Variants in AAMDC observed in about 807,000 individuals in gnomAD.
AAMDC encodes the protein mth938 domain-containing protein.
In AAMDC, 16 loss-of-function variants were observed where a neutral mutation model predicts 15.5. The observed-to-expected ratio is 1.03, with a 90% confidence interval of 0.70 to 1.57. AAMDC has a LOEUF of 1.57. Ranked by LOEUF, AAMDC falls within the 40% of genes most tolerant of loss-of-function variation. AAMDC has a pLI of 0.00. For missense variants in AAMDC, 141 were observed against 144.9 expected (o/e 0.97, Z 0.14); for synonymous variants, 51 against 51.6 (o/e 0.99, Z 0.05).
At chr11:77,848,823 T>C (rs1399827913) in intron 2 of AAMDC, among the ~76,000 whole-genome samples, 1 of 152,152 alleles carries the variant, frequency 6.6e-6, no homozygotes, top group Non-Finnish European at 1.5e-5. Flanking sequence ...CACAACACTG[T>C]CTCCCAAGCT....
downstream of AAMDC, among the ~76,000 whole-genome samples, chr11:77,904,836 T>C (rs780821649): frequency 6.6e-6 from 1 of 152,188 alleles, no homozygotes; most frequent in Non-Finnish European, 1.5e-5. Flanking sequence ...GATAGTTGCA[T>C]CATGTTAGTT....
intron 1 of AAMDC, among the ~76,000 whole-genome samples, chr11:77,825,799 C>A (rs1240647349): frequency 6.6e-6 from 1 of 151,342 alleles, no homozygotes; most frequent in Non-Finnish European, 1.5e-5. Flanking sequence ...TCAAGTGATT[C>A]TCCTGCCTCA....
chr11:77,859,229 T>C (rs1361133092), intron 2 of AAMDC, among the ~76,000 whole-genome samples: 2 of 152,234 alleles, frequency 1.3e-5, no homozygotes, highest in African/African-American at 4.8e-5. Flanking sequence ...GATTACCCCA[T>C]ATTAGGGGTC....
At chr11:77,886,261 C>T (rs1161159084) in intron 5 of AAMDC, among the ~76,000 whole-genome samples, 4 of 152,106 alleles carry the variant, frequency 2.6e-5, no homozygotes, top group Admixed American at 6.6e-5. Context: ...TGGTGAAAGG[C>T]CTTCACTCCT....
intron 1 of AAMDC, among the ~76,000 whole-genome samples, chr11:77,822,597 A>C (rs1024909317): frequency 6.6e-6 from 1 of 152,120 alleles, no homozygotes; most frequent in African/African-American, 2.4e-5. Context: ...AAGGGGAAAA[A>C]CCATAAGGGT....
chr11:77,893,701 T>C, intron 5 of AAMDC, among the ~76,000 whole-genome samples: 1 of 152,092 alleles, frequency 6.6e-6, no homozygotes, highest in Non-Finnish European at 1.5e-5. Flanking sequence ...GAGACCAGCC[T>C]GGCCAACATG....
chr11:77,853,091 G>A (rs977681631), intron 2 of AAMDC, among the ~76,000 whole-genome samples: 1 of 152,174 alleles, frequency 6.6e-6, no homozygotes, highest in Non-Finnish European at 1.5e-5. Context: ...AAATGTAAAT[G>A]TAGATTTGTT....
chr11:77,839,937 T>C (rs933839496), intron 1 of AAMDC, among the ~76,000 whole-genome samples: 1 of 152,084 alleles, frequency 6.6e-6, no homozygotes, highest in Non-Finnish European at 1.5e-5. Context: ...ACCTATGTAA[T>C]GAACGTGCAT....
downstream of AAMDC, among the ~76,000 whole-genome samples, chr11:77,877,207 C>G (rs748257628): frequency 1.3e-5 from 2 of 152,210 alleles, no homozygotes; most frequent in Non-Finnish European, 2.9e-5. Flanking sequence ...TTATTTCTCT[C>G]AACTTCAGCT....
At chr11:77,847,045 G>A (rs1950177406) in intron 2 of AAMDC, among the ~76,000 whole-genome samples, 1 of 152,134 alleles carries the variant, frequency 6.6e-6, no homozygotes, top group Non-Finnish European at 1.5e-5. Flanking sequence ...GCAGGTTTAT[G>A]GTTATAAATT....
At chr11:77,882,867 T>C (rs1177285405) in intron 5 of AAMDC, among the ~76,000 whole-genome samples, 1 of 152,162 alleles carries the variant, frequency 6.6e-6, no homozygotes, top group South Asian at 2.1e-4. Flanking sequence ...GGTCAGGAGT[T>C]CGAGACTAGC....
intron 2 of AAMDC, among the ~76,000 whole-genome samples, chr11:77,861,598 C>A (rs576606194): frequency 6.6e-6 from 1 of 152,268 alleles, no homozygotes; most frequent in East Asian, 1.9e-4. Flanking sequence ...GGGCAGTGGG[C>A]CTTCCAGTGA....
chr11:77,885,819 CA>C (rs1415394109), intron 5 of AAMDC, among the ~76,000 whole-genome samples: 1 of 148,952 alleles, frequency 6.7e-6, no homozygotes, highest in East Asian at 2.0e-4. Context: ...GATTCTGTCT[CA>C]AAAAAAAGAA....
At position 77,865,758 on chromosome 11, in the gene AAMDC, A is replaced by G. The variant is rs569593927; in HGVS notation, c.133-3964A>G. ...AAAGAAGCACATATAATACTAGACCAAAAGTTTGTTGTTAATATTTTGATA... is the reference window on the plus strand; with the variant it reads ...AAAGAAGCACATATAATACTAGACCGAAAGTTTGTTGTTAATATTTTGATA... On this transcript the variant is annotated intron_variant, in intron 2 of 3. Coordinates refer to ENST00000393427, the MANE Select transcript of AAMDC (RefSeq NM_024684.4). 9.8e-5 allele frequency among the ~76,000 whole-genome samples: 15 copies of G among 152,348 alleles called. 1 individual carries two copies. The East Asian group carries it at 1.3e-3, about 14-fold the overall frequency.
At chr11:77,878,944 T>C in intron 5 of AAMDC, 2 of 1,613,086 alleles carry the variant, frequency 1.2e-6, no homozygotes, top group South Asian at 2.2e-5. Flanking sequence ...AAGACTGTTT[T>C]TGCCTTAGCG....
chr11:77,832,951 ATGTGTGTGTGTGTGTGTGTGTGTG>A (rs146936151), intron 1 of AAMDC, among the ~76,000 whole-genome samples: 1 of 68,416 alleles, frequency 1.5e-5, no homozygotes, highest in Admixed American at 1.9e-4. Flanking sequence ...GTATATATAT[ATGTGTGTGTGTGTGTGTGTGTGTG>A]TGTGTGTGTG....
At chr11:77,864,136 A>T (rs1428726364) in intron 2 of AAMDC, among the ~76,000 whole-genome samples, 2 of 152,092 alleles carry the variant, frequency 1.3e-5, no homozygotes, top group Admixed American at 1.3e-4. Context: ...CATGTTTGCC[A>T]GGCTGGTCTC....
chr11:77,893,123 G>A (rs55634269), intron 5 of AAMDC, among the ~76,000 whole-genome samples: 1,550 of 152,216 alleles, frequency 0.01, 27 homozygotes, highest in African/African-American at 0.036. Flanking sequence ...GTATTATTCT[G>A]CCAGCATACC....
At chr11:77,904,365 G>A (rs1952875362), downstream of AAMDC, among the ~76,000 whole-genome samples, 1 of 152,164 alleles carries the variant, frequency 6.6e-6, no homozygotes, top group Non-Finnish European at 1.5e-5. Flanking sequence ...TTACAAAGAT[G>A]TAAGTTAATT....
Sources: allele counts gnomAD v4.1 joint callset (sites outside exome capture counted in the v4.1 genomes callset), GRCh38; gene constraint gnomAD v4.1.1; transcripts MANE v1.5; gene names NCBI Gene and HGNC (gene_info 2026-07-23, HGNC 2026-07-21).